Variants in HSD17B13 observed in about 807,000 individuals in gnomAD.
HSD17B13 encodes the protein hydroxysteroid 17-beta dehydrogenase 13.
In HSD17B13, 26 loss-of-function variants were observed where a neutral mutation model predicts 31.1. That is an observed-to-expected ratio of 0.84 (90% CI 0.61 to 1.16). The LOEUF (loss-of-function observed/expected upper bound fraction) is 1.16. Among genes scored for constraint, HSD17B13 ranks in the 50% most tolerant of loss-of-function variants. HSD17B13 has a pLI of 0.00. For synonymous variants in HSD17B13, 141 were observed against 133.7 expected (o/e 1.05, Z -0.38); for missense variants, 374 against 366.5 (o/e 1.02, Z -0.17).
In HSD17B13 at chr4:87,317,081, C is replaced by T; in HGVS notation, c.450+11G>A. 1 of 1,613,302 alleles carries T rather than the reference C, an allele frequency of 6.2e-7. No individual in the cohort carries two copies. The highest frequency in any genetic ancestry group is 8.5e-7 in the Non-Finnish European group (1 of 1,179,304). On this transcript the variant is annotated intron_variant, in intron 3 of 6. Transcript: ENST00000328546. Reference sequence around the variant, plus strand: ...GTGCACAAATCAGAAATGTTTCTGACTCACACTCACCCAAAAATGTCCTAG... The same window carrying T: ...GTGCACAAATCAGAAATGTTTCTGATTCACACTCACCCAAAAATGTCCTAG...
Position 87,319,249 on chromosome 4 carries a change from T to A in HSD17B13, c.211-813A>T, listed in dbSNP as rs545272235. On this transcript the variant is annotated intron_variant, in intron 1 of 6. Coordinates refer to ENST00000328546, the MANE Select transcript of HSD17B13 (RefSeq NM_178135.5). ...CTTGAGAGTGATTGCCTAGTTGCAATGAGATTACCCCTGGCTTTTCTGCCA... is the reference window on the plus strand; with the variant it reads ...CTTGAGAGTGATTGCCTAGTTGCAAAGAGATTACCCCTGGCTTTTCTGCCA... 5.3e-5 allele frequency among the ~76,000 whole-genome samples: 8 copies of A among 152,370 alleles called. No individual in the cohort carries two copies. The South Asian group carries it at 1.7e-3, about 32-fold the overall frequency.
intron 3 of HSD17B13, among the ~76,000 whole-genome samples, chr4:87,315,861 T>C (rs1045745460): frequency 1.3e-5 from 2 of 152,220 alleles, no homozygotes; most frequent in African/African-American, 2.4e-5. Context: ...GATCCTTTTT[T>C]GGATATGTCA....
chr4:87,321,739 CTAAGTG>C (rs1578444767), intron 1 of HSD17B13, among the ~76,000 whole-genome samples: 1 of 152,074 alleles, frequency 6.6e-6, no homozygotes, highest in East Asian at 1.9e-4. Flanking sequence ...AATTAGTTCT[CTAAGTG>C]TAAGAGACAT....
At chr4:87,314,095 T>C (rs1734594923) in intron 4 of HSD17B13, 135 bp from the exon 5 acceptor site, 1 of 540,022 alleles carries the variant, frequency 1.9e-6, no homozygotes, top group Admixed American at 3.6e-5. Context: ...TTTCTGAGAG[T>C]ATAAATGGCA....
At chr4:87,308,654 C>T (rs546535374) in intron 6 of HSD17B13, among the ~76,000 whole-genome samples, 1 of 150,150 alleles carries the variant, frequency 6.7e-6, no homozygotes, top group Admixed American at 6.6e-5. Flanking sequence ...GCACTCCAGC[C>T]TGGGCAACAG....
intron 6 of HSD17B13, among the ~76,000 whole-genome samples, chr4:87,308,303 C>G (rs1734436918): frequency 6.6e-6 from 1 of 151,592 alleles, no homozygotes; most frequent in Non-Finnish European, 1.5e-5. Context: ...TGCTTGAGGC[C>G]AGGCATTCAA....
chr4:87,314,622 T>TTC (rs551629239), intron 4 of HSD17B13, among the ~76,000 whole-genome samples: 6,152 of 142,994 alleles, frequency 0.043, 215 homozygotes, highest in East Asian at 0.19. Flanking sequence ...TAGAGTCGTT[T>TTC]TCTCTCTCTC....
At chr4:87,321,017 T>A (rs1032452920) in intron 1 of HSD17B13, among the ~76,000 whole-genome samples, 17 of 152,158 alleles carry the variant, frequency 1.1e-4, no homozygotes, top group Non-Finnish European at 2.4e-4. Context: ...TTGGGTTACC[T>A]ATTTTTCTTA....
At chr4:87,307,934 C>T (rs917231000) in intron 6 of HSD17B13, among the ~76,000 whole-genome samples, 4 of 152,162 alleles carry the variant, frequency 2.6e-5, no homozygotes, top group Non-Finnish European at 4.4e-5. Flanking sequence ...TCAAATTGTT[C>T]TATTTCAAGT....
intron 5 of HSD17B13, among the ~76,000 whole-genome samples, 169 bp downstream of exon 5, chr4:87,313,654 A>G (rs1314869538): frequency 1.3e-5 from 2 of 152,146 alleles, no homozygotes; most frequent in African/African-American, 2.4e-5. Flanking sequence ...CTAGTCCCTA[A>G]TGTGTTTTCC....
intron 1 of HSD17B13, among the ~76,000 whole-genome samples, chr4:87,318,857 T>G (rs1734719575): frequency 6.6e-6 from 1 of 151,386 alleles, no homozygotes; most frequent in South Asian, 2.1e-4. Context: ...ACATTCATTT[T>G]GGACATGAAG....
At chr4:87,313,736 A>T in intron 5 of HSD17B13, 87 bp downstream of exon 5, 2 of 1,038,960 alleles carry the variant, frequency 1.9e-6, no homozygotes, top group Non-Finnish European at 2.8e-6. Flanking sequence ...ATTTTCTTCT[A>T]TTAGTTGGCC....
intron 6 of HSD17B13, among the ~76,000 whole-genome samples, chr4:87,309,385 A>C (rs983177296): frequency 2.3e-5 from 1 of 43,368 alleles, no homozygotes; most frequent in African/African-American, 1.1e-4. Context: ...ACTCTGTCTC[A>C]AAAAAAAAAA....
chr4:87,318,272 C>T (rs1734700985), intron 2 of HSD17B13, 57 bp downstream of exon 2: 27 of 1,309,176 alleles, frequency 2.1e-5, no homozygotes, highest in Non-Finnish European at 3.0e-5. Flanking sequence ...TCATTTTCCA[C>T]GTCAGCGTCC....
Position 87,307,768 on chromosome 4 carries a change from T to G in HSD17B13, c.813-2460A>C, listed in dbSNP as rs532786595. Among the ~76,000 whole-genome samples, 28 of 152,278 alleles carry G rather than the reference T, an allele frequency of 1.8e-4. 1 individual carries two copies. In the South Asian group the frequency reaches 5.6e-3, roughly 30 times the overall value. On this transcript the variant is annotated intron_variant, in intron 6 of 6. Transcript: ENST00000328546. ...TGCCTGCTGTGGCCTCCCAAAGTGCTGGAATTACAGGCGTGAGACACCACA... is the reference window on the plus strand; with the variant it reads ...TGCCTGCTGTGGCCTCCCAAAGTGCGGGAATTACAGGCGTGAGACACCACA...
intron 5 of HSD17B13, 66 bp downstream of exon 5, chr4:87,313,757 T>C (rs1295365032): frequency 2.9e-6 from 4 of 1,370,418 alleles, no homozygotes; most frequent in South Asian, 2.6e-5. Context: ...TGCCTAAACA[T>C]TTCTCATTAG....
At position 87,318,359 on chromosome 4, in the gene HSD17B13, G is replaced by T; in HGVS notation, c.288C>A (p.Asn96Lys). The T allele has an allele frequency of 6.2e-7, 1 of 1,614,024 alleles. No homozygotes were observed. Among genetic ancestry groups the T allele is most frequent in the Non-Finnish European group, 8.5e-7 (1 of 1,179,870 alleles). The change falls in exon 2 of 7, where the codon AAC becomes AAA. Residue 96 changes from asparagine to lysine, a missense_variant. By Grantham distance (94) the Asn-to-Lys change is moderately conservative (BLOSUM62 0). Transcript: ENST00000328546. The stretch of plus-strand genomic sequence containing the variant: ...TTAGAGAGCGATAGATCTCTTCTCT[G>T]TTGCTGCAGTCTACCACATACGCAT... Reference protein sequence around the residue: ...TAHAYVVDCSNREEIYRSLNQ... With the variant: ...TAHAYVVDCSKREEIYRSLNQ...
intron 5 of HSD17B13, among the ~76,000 whole-genome samples, chr4:87,310,567 C>A (rs529330463): frequency 1.3e-5 from 2 of 152,254 alleles, no homozygotes; most frequent in East Asian, 3.9e-4. Context: ...ACTTTCATAT[C>A]CAGTAGGTGT....
rs369280214 is a variant in HSD17B13 at position 87,309,384 on chromosome 4, C to CAAA, written c.812+856_812+858dup. On this transcript the variant is annotated intron_variant, in intron 6 of 6. Transcript: ENST00000328546. ...GGGCAACAAGGGTGAAACTCTGTCT[C>CAAA]AAAAAAAAAAAAAAAAAAAAAAAAA... 1.1e-3 allele frequency among the ~76,000 whole-genome samples: 57 copies of CAAA among 50,072 alleles called. 3 individuals are homozygous for CAAA. The highest frequency in any genetic ancestry group is 1.7e-3 in the Non-Finnish European group (44 of 25,424). The allele number at this position is 50,072 out of a possible 152,430, so 32.8% of individuals were successfully genotyped here.
Sources: gnomAD v4.1 joint callset for allele counts (sites outside exome capture counted in the v4.1 genomes callset) on GRCh38, gnomAD v4.1.1 for gene constraint, MANE v1.5 for transcripts, NCBI Gene and HGNC (gene_info 2026-07-23, HGNC 2026-07-21) for gene names.